Variants in HCRTR2 observed in about 807,000 individuals in gnomAD.
The protein encoded by HCRTR2 is hypocretin receptor 2.
In HCRTR2, 22 loss-of-function variants were observed where a neutral mutation model predicts 49.0. The ratio of observed to expected loss-of-function variants is 0.45; its 90% CI spans 0.32 to 0.64. The LOEUF is 0.64. Ranked by LOEUF, HCRTR2 falls within the 30% of genes least tolerant of loss-of-function variation. The pLI is 0.04. For missense variants in HCRTR2, 491 were observed against 559.4 expected, an observed-to-expected ratio of 0.88 and a Z score of 1.23; for synonymous variants, 236 against 205.3, an observed-to-expected ratio of 1.15 and a Z score of -1.28.
chr6:55,282,684 T>C, downstream of HCRTR2: 1 of 524,976 alleles, frequency 1.9e-6, no homozygotes, highest in Non-Finnish European at 3.3e-6. Context: ...TTTCAGGCTA[T>C]TTCACTTTTA....
At chr6:55,242,311 T>C (rs2127307359) in intron 1 of HCRTR2, among the ~76,000 whole-genome samples, 1 of 152,260 alleles carries the variant, frequency 6.6e-6, no homozygotes, top group South Asian at 2.1e-4. Flanking sequence ...CCAGAACATT[T>C]AAAATTTTTT....
intron 1 of HCRTR2, among the ~76,000 whole-genome samples, chr6:55,113,364 C>A (rs921290710): frequency 6.6e-5 from 10 of 151,864 alleles, no homozygotes; most frequent in African/African-American, 2.4e-4. Context: ...GGGAGAAAAT[C>A]TTCACAAACT....
chr6:55,174,183 T>G, upstream of HCRTR2: 4 of 182,308 alleles, frequency 2.2e-5, no homozygotes, highest in Non-Finnish European at 4.5e-5. Flanking sequence ...ATTAAATTAG[T>G]TTTCATTACT....
At chr6:55,230,752 C>T (rs1766099050) in intron 1 of HCRTR2, among the ~76,000 whole-genome samples, 1 of 152,056 alleles carries the variant, frequency 6.6e-6, no homozygotes, top group Non-Finnish European at 1.5e-5. Context: ...TAAATATATG[C>T]TGAACGAATG....
intron 1 of HCRTR2, among the ~76,000 whole-genome samples, chr6:55,221,574 G>T (rs965037548): frequency 2.0e-5 from 3 of 152,196 alleles, no homozygotes; most frequent in African/African-American, 7.2e-5. Context: ...AGCACTTTGG[G>T]AGGCCAAGGG....
rs1047809640 is a variant in HCRTR2, at chr6:55,259,129, A to G, written c.646+3750A>G. Among the ~76,000 whole-genome samples, 5 of 152,090 alleles carry G rather than the reference A, an allele frequency of 3.3e-5. No individual in the cohort carries two copies. The South Asian group carries it at 8.3e-4, about 25-fold the overall frequency. ...TCACTATTCATTCATCCAGTGTTTA[A>G]TTAGCATGTACCCTTGGTCAATTGT... On this transcript the variant is annotated intron_variant, in intron 3 of 6. Transcript: ENST00000370862.
chr6:55,260,762 A>G (rs1300560860), intron 3 of HCRTR2, among the ~76,000 whole-genome samples: 3 of 152,196 alleles, frequency 2.0e-5, no homozygotes, highest in African/African-American at 4.8e-5. Flanking sequence ...ACTCATAAAT[A>G]TGTTAAAATA....
chr6:55,261,435 C>T (rs1237898813), intron 3 of HCRTR2, among the ~76,000 whole-genome samples: 1 of 151,816 alleles, frequency 6.6e-6, no homozygotes, highest in African/African-American at 2.4e-5. Context: ...GATGGAGCCT[C>T]GCACTGTCGC....
At chr6:55,237,082 C>T (rs1427872108) in intron 1 of HCRTR2, among the ~76,000 whole-genome samples, 1 of 151,880 alleles carries the variant, frequency 6.6e-6, no homozygotes, top group African/African-American at 2.4e-5. Flanking sequence ...ATCTTTCTTT[C>T]TGTTAAATCT....
intron 4 of HCRTR2, among the ~76,000 whole-genome samples, chr6:55,269,061 G>C (rs1235031802): frequency 1.4e-5 from 2 of 140,416 alleles, no homozygotes; most frequent in Non-Finnish European, 3.0e-5. Context: ...CTGCACTCCA[G>C]CCTGGGCAAC....
chr6:55,261,584 T>A (rs961993023), intron 3 of HCRTR2, among the ~76,000 whole-genome samples: 4 of 151,984 alleles, frequency 2.6e-5, no homozygotes, highest in South Asian at 4.1e-4. Context: ...CAATACCACC[T>A]TACTCTTACA....
chr6:55,263,455 A>T (rs1766805393), intron 3 of HCRTR2, among the ~76,000 whole-genome samples: 1 of 152,120 alleles, frequency 6.6e-6, no homozygotes, highest in Non-Finnish European at 1.5e-5. Context: ...ACAAATTAAG[A>T]AATAGCTAAT....
intron 1 of HCRTR2, among the ~76,000 whole-genome samples, chr6:55,117,581 G>A (rs1305674812): frequency 6.6e-6 from 1 of 151,308 alleles, no homozygotes; most frequent in African/African-American, 2.4e-5. Flanking sequence ...TTCTCTTTTA[G>A]CTATGTTGAA....
intron 1 of HCRTR2, among the ~76,000 whole-genome samples, chr6:55,165,356 A>G (rs979893127): frequency 2.6e-5 from 4 of 152,138 alleles, no homozygotes; most frequent in Non-Finnish European, 5.9e-5. Context: ...AAGACATTTA[A>G]TAACTGAACT....
At chr6:55,131,797 CTT>C (rs56940822) in intron 1 of HCRTR2, among the ~76,000 whole-genome samples, 42,414 of 151,426 alleles carry the variant, frequency 0.28, 6,651 homozygotes, top group Non-Finnish European at 0.36. Flanking sequence ...ATTATTTACT[CTT>C]TAAGTATTTG....
At chr6:55,240,873 C>A in intron 1 of HCRTR2, 1 of 254,426 alleles carries the variant, frequency 3.9e-6, no homozygotes, top group South Asian at 3.8e-5. Flanking sequence ...TTTTCTTTTT[C>A]ATTTAGAAAT....
Position 55,276,097 on chromosome 6 carries a change from A to C in HCRTR2, c.763-1283A>C, listed in dbSNP as rs573793342. Among the ~76,000 whole-genome samples, 4 of 152,352 alleles carry C rather than the reference A, an allele frequency of 2.6e-5. 1 individual carries two copies. The highest frequency in any genetic ancestry group is 9.6e-5 in the African/African-American group (4 of 41,592). ...AAAATTGCTTTTTAAAATGAGAGTC[A>C]CAGAAGAGAAAGTTCCTATCTCTCC... On this transcript the variant is annotated intron_variant, in intron 4 of 6. Coordinates refer to ENST00000370862, the MANE Select transcript of HCRTR2 (RefSeq NM_001384272.1).
chr6:55,222,540 A>G (rs1423172444), intron 1 of HCRTR2, among the ~76,000 whole-genome samples: 1 of 152,200 alleles, frequency 6.6e-6, no homozygotes, highest in African/African-American at 2.4e-5. Flanking sequence ...CAAATGAAAT[A>G]TATAATGACA....
chr6:55,236,755 G>A (rs915091019), intron 1 of HCRTR2, among the ~76,000 whole-genome samples: 5 of 151,966 alleles, frequency 3.3e-5, no homozygotes, highest in African/African-American at 4.8e-5. Context: ...GCAGTTTTAT[G>A]ATAATATAAG....
Sources: allele counts gnomAD v4.1 joint callset (sites outside exome capture counted in the v4.1 genomes callset), GRCh38; gene constraint gnomAD v4.1.1; transcripts MANE v1.5; gene names NCBI Gene and HGNC (gene_info 2026-07-23, HGNC 2026-07-21).